The following MVP variants were observed in gnomAD, a reference collection of about 807,000 sequenced individuals.
The protein encoded by MVP is major vault protein.
A neutral mutation model predicts 83.5 loss-of-function variants in MVP; 62 were observed. That is an observed-to-expected ratio of 0.74 (90% CI 0.61 to 0.92). The LOEUF is 0.92. MVP is among the 40% of genes least tolerant of loss of function. The pLI, the probability that MVP is intolerant of heterozygous loss-of-function variation, is 0.00. For synonymous variants in MVP, 505 were observed against 504.1 expected, an observed-to-expected ratio of 1.00 and a Z score of -0.02; for missense variants, 1,000 against 1,203.4, an observed-to-expected ratio of 0.83 and a Z score of 2.50.
At chr16:29,839,783 CAAAAAAAAAAAAAA>C (rs71373206) in intron 7 of MVP, among the ~76,000 whole-genome samples, 2 of 47,368 alleles carry the variant, frequency 4.2e-5, no homozygotes, top group Non-Finnish European at 6.9e-5. Flanking sequence ...AAGACTATCT[CAAAAAAAAAAAAAA>C]AAAAAAAAAA....
In MVP at chr16:29,847,337, A is replaced by G; in HGVS notation, c.2406A>G (p.Ile802Met). 2 of 1,604,388 alleles carry G rather than the reference A, an allele frequency of 1.2e-6. No individual in the cohort carries two copies. Among genetic ancestry groups the G allele is most frequent in the Non-Finnish European group, 1.7e-6 (2 of 1,176,068 alleles). Residue 802 changes from isoleucine to methionine, a missense_variant, in exon 14 of 15, where the codon ATA becomes ATG. Coordinates refer to ENST00000357402, the MANE Select transcript of MVP (RefSeq NM_005115.5). ...VKKFKQMTEA[I>M]GPSTIRDLAV... ...AGTTCAAGCAGATGACAGAGGCCATAGGCCCCAGCACCATCAGGGACCTTG... is the reference window on the plus strand; with the variant it reads ...AGTTCAAGCAGATGACAGAGGCCATGGGCCCCAGCACCATCAGGGACCTTG...
At chr16:29,823,742 C>T (rs1230408325) in intron 1 of MVP, among the ~76,000 whole-genome samples, 1 of 151,474 alleles carries the variant, frequency 6.6e-6, no homozygotes, top group Admixed American at 6.6e-5. Flanking sequence ...GTAATCCCAG[C>T]TGAGGCAGGA....
chr16:29,836,419 A>T (rs187631755), intron 6 of MVP, among the ~76,000 whole-genome samples: 3 of 151,896 alleles, frequency 2.0e-5, no homozygotes, highest in Non-Finnish European at 4.4e-5. Context: ...TACTAAAAAT[A>T]CAAAAATTAG....
In MVP at chr16:29,830,522, C is replaced by G. The variant is rs553028420; in HGVS notation, c.-28C>G. Reference sequence around the variant, plus strand: ...GTCTCCCCCACCTACCAGTCATCTTCTTGTGAGCCCTGGGCTTAGGAGTCA... The same window carrying G: ...GTCTCCCCCACCTACCAGTCATCTTGTTGTGAGCCCTGGGCTTAGGAGTCA... On this transcript the variant is annotated 5_prime_UTR_variant, in exon 2 of 15. Coordinates refer to ENST00000357402, the MANE Select transcript of MVP (RefSeq NM_005115.5). The G allele has an allele frequency of 1.2e-6, 2 of 1,611,904 alleles. No individual in the cohort carries two copies. Among genetic ancestry groups the G allele is most frequent in the African/African-American group, 2.7e-5 (2 of 74,978 alleles).
chr16:29,843,882 G>A (rs542629328), intron 10 of MVP, among the ~76,000 whole-genome samples: 2 of 152,038 alleles, frequency 1.3e-5, no homozygotes, highest in Non-Finnish European at 2.9e-5. Context: ...CCTGGGCGAC[G>A]GAGCAAGACT....
chr16:29,826,621 CAA>C (rs35848068), intron 1 of MVP, among the ~76,000 whole-genome samples: 40 of 87,924 alleles, frequency 4.5e-4, no homozygotes, highest in Admixed American at 5.1e-4. Context: ...GACCTTATCT[CAA>C]AAAAAAAAAA....
Position 29,847,214 on chromosome 16 carries a change from G to T in MVP, c.2283G>T (p.Arg761Ser). 6.2e-7 allele frequency: 1 copy of T among 1,613,454 alleles called. No homozygotes were observed. Among genetic ancestry groups the T allele is most frequent in the African/African-American group, 1.3e-5 (1 of 74,990 alleles). ...LAIETEAELQ[R>S]VQKVRELELV... The stretch of plus-strand genomic sequence containing the variant: ...TCTTCCAGGAGGCTGAGCTCCAGAG[G>T]GTCCAGAAGGTCCGAGAGCTGGAAC... Residue 761 changes from arginine (R) to serine (S), a missense_variant, in exon 14 of 15, where the codon AGG (arginine) becomes AGT (serine). Physicochemically the swap from Arg to Ser is moderately radical, Grantham distance 110. Transcript: ENST00000357402.
At chr16:29,846,628 CG>C (rs2150762197) in intron 13 of MVP, among the ~76,000 whole-genome samples, 1 of 152,230 alleles carries the variant, frequency 6.6e-6, no homozygotes. Context: ...GAGGCCGAGG[CG>C]GGTGGATCAC....
chr16:29,835,607 T>C (rs2067479547), intron 5 of MVP, 97 bp from the exon 6 acceptor site: 6 of 988,100 alleles, frequency 6.1e-6, no homozygotes, highest in Non-Finnish European at 9.3e-6. Context: ...TTTTTGCCTA[T>C]GAAATCTGTC....
At position 29,834,851 on chromosome 16, in the gene MVP, AATTTTTTTTTTTTTTGT is replaced by A. The variant is rs1424514629; in HGVS notation, c.577+801_577+817del. 173 of 119,788 alleles carry A rather than the reference AATTTTTTTTTTTTTTGT, an allele frequency of 1.4e-3. 1 individual carries two copies. The highest frequency in any genetic ancestry group is 6.2e-3 in the African/African-American group (158 of 25,500). The allele number at this position is 119,788 out of a possible 1,614,324, so 7.4% of individuals were successfully genotyped here. ...CAGGCGCCCACCACCATGCCCAGCT[AATTTTTTTTTTTTTTGT>A]ATTTTTTTTTTTTTTTTTTTTAGTA... is the stretch of plus-strand genomic sequence containing the variant. On this transcript the variant is annotated intron_variant, in intron 5 of 14. Transcript: ENST00000357402.
intron 1 of MVP, among the ~76,000 whole-genome samples, chr16:29,823,923 G>A (rs572999877): frequency 6.6e-5 from 10 of 151,696 alleles, no homozygotes; most frequent in East Asian, 3.9e-4. Flanking sequence ...TAGAATCACC[G>A]GAGATGGGTG....
intron 1 of MVP, among the ~76,000 whole-genome samples, chr16:29,828,572 G>C (rs4788185): frequency 0.16 from 24,495 of 151,998 alleles, 2,188 homozygotes; most frequent in African/African-American, 0.24. Flanking sequence ...TAGAGACGGG[G>C]TTTCGCCATG....
chr16:29,847,128 G>A, intron 13 of MVP, 69 bp from the exon 14 acceptor site: 1 of 1,532,636 alleles, frequency 6.5e-7, no homozygotes, highest in Non-Finnish European at 8.9e-7. Context: ...GTTCAAGGCT[G>A]CAGTGAGTCC....
intron 10 of MVP, among the ~76,000 whole-genome samples, chr16:29,843,896 T>C (rs1424227254): frequency 6.6e-6 from 1 of 151,982 alleles, no homozygotes; most frequent in Non-Finnish European, 1.5e-5. Flanking sequence ...CAAGACTGTC[T>C]CCAAAAAGAA....
chr16:29,834,011 G>T lies in MVP; in HGVS notation c.522G>T (p.Leu174=), dbSNP rs2067465761. 3 of 1,613,964 alleles carry T rather than the reference G, an allele frequency of 1.9e-6. No individual in the cohort carries two copies. Among genetic ancestry groups the T allele is most frequent in the Non-Finnish European group, 2.5e-6 (3 of 1,179,986 alleles). The change falls in exon 5 of 15, where the codon CTG becomes CTT. Residue 174 remains leucine, a synonymous_variant. Coordinates refer to ENST00000357402, the MANE Select transcript of MVP (RefSeq NM_005115.5). ...QATIIRQNQA[L]RLRARKECWD... ...CCATCATCAGGCAGAACCAGGCTCT[G>T]CGGCTCAGGGCCCGCAAGGAGTGCT...
Position 29,833,759 on chromosome 16 carries a change from G to T in MVP, c.348G>T (p.Leu116=). ...ACATCACACCCCTGCAGGTGGTTCT[G>T]CCCAACACTGCCCTCCATCTAAAGG... ...EKDITPLQVV[L]PNTALHLKAL... Residue 116 remains leucine, a synonymous_variant, in exon 4 of 15, where the codon CTG becomes CTT. Transcript: ENST00000357402. 1 of 1,614,058 alleles carries T rather than the reference G, an allele frequency of 6.2e-7. No individual in the cohort carries two copies. The highest frequency in any genetic ancestry group is 1.7e-5 in the Admixed American group (1 of 60,002).
At chr16:29,835,826 G>T in intron 6 of MVP, 28 bp downstream of exon 6, 2 of 1,599,626 alleles carry the variant, frequency 1.3e-6, no homozygotes, top group East Asian at 4.5e-5. Flanking sequence ...TGTGGTTTAA[G>T]GGACCTGGGG....
intron 5 of MVP, 33 bp from the exon 6 acceptor site, chr16:29,835,671 G>GCCCTTGT (rs766973149): frequency 6.9e-6 from 11 of 1,585,950 alleles, no homozygotes; most frequent in Non-Finnish European, 9.5e-6. Flanking sequence ...AGGCTGGGGG[G>GCCCTTGT]CCCTTGTCCC....
chr16:29,829,373 C>G (rs2067425352), intron 1 of MVP, among the ~76,000 whole-genome samples: 1 of 149,770 alleles, frequency 6.7e-6, no homozygotes, highest in African/African-American at 2.5e-5. Context: ...TCTCAGCTAC[C>G]CAGGAGGCTG....
Sources: allele counts gnomAD v4.1 joint callset (sites outside exome capture counted in the v4.1 genomes callset), GRCh38; gene constraint gnomAD v4.1.1; transcripts MANE v1.5; gene names NCBI Gene and HGNC (gene_info 2026-07-23, HGNC 2026-07-21).